ANK2: variants seen among roughly 807,000 people sequenced by gnomAD.
ANK2 encodes ankyrin-2.
In ANK2, 83 loss-of-function variants were observed where a neutral mutation model predicts 360.5. The ratio of observed to expected loss-of-function variants is 0.23; its 90% CI spans 0.19 to 0.28. The LOEUF (loss-of-function observed/expected upper bound fraction) is 0.28. Among genes scored for constraint, ANK2 ranks in the 10% least tolerant of loss-of-function variants. ANK2 has a pLI of 1.00. For synonymous variants in ANK2, 1,740 were observed against 1,759.5 expected (o/e 0.99, Z 0.28); for missense variants, 4,201 against 4,795.7 (o/e 0.88, Z 3.66).
intron 9 of ANK2, among the ~76,000 whole-genome samples, chr4:113,244,177 A>C (rs145832852): frequency 2.0e-5 from 3 of 152,338 alleles, no homozygotes; most frequent in African/African-American, 7.2e-5. Flanking sequence ...GGATTTAAAA[A>C]GAATAAAATA....
intron 1 of ANK2, among the ~76,000 whole-genome samples, chr4:113,166,110 G>T (rs2097747065): frequency 6.6e-6 from 1 of 152,046 alleles, no homozygotes; most frequent in Admixed American, 6.6e-5. Flanking sequence ...TATTGATTTT[G>T]TTCCTTACGA....
intron 1 of ANK2, among the ~76,000 whole-genome samples, chr4:113,148,260 C>T (rs776606617): frequency 1.3e-5 from 2 of 152,152 alleles, no homozygotes; most frequent in Non-Finnish European, 2.9e-5. Context: ...TAAGTATACT[C>T]TGTATTTTTC....
In ANK2 at chr4:113,358,156, G is replaced by C. The variant is rs1564054632; in HGVS notation, c.9538G>C (p.Asp3180His). 1.9e-6 allele frequency: 3 copies of C among 1,614,088 alleles called. No individual in the cohort carries two copies. Among genetic ancestry groups the C allele is most frequent in the Non-Finnish European group, 1.7e-6 (2 of 1,179,966 alleles). ...AAAAGAAACAGTGGATGATGAGGCA[G>C]ACTTACTTCCAGATGACGTGAGTGA... ...ESKETVDDEA[D>H]LLPDDVSEEV... Residue 3180 changes from aspartate (D) to histidine (H), a missense_variant, in exon 38 of 46, where the codon GAC (aspartate) becomes CAC (histidine). Around this residue, in one of 4 missense-constraint regions of ANK2, gnomAD observed 2,642 missense variants for 2,714.5 expected, o/e 0.97. Transcript: ENST00000357077.
chr4:112,999,676 C>CA (rs1182480583), intron 2 of ANK2, among the ~76,000 whole-genome samples: 3 of 150,482 alleles, frequency 2.0e-5, no homozygotes, highest in Non-Finnish European at 4.4e-5. Context: ...AAAAAAGCAA[C>CA]AAAAAAACCC....
chr4:112,994,650 T>A (rs1251906877), intron 2 of ANK2, among the ~76,000 whole-genome samples: 2 of 152,174 alleles, frequency 1.3e-5, no homozygotes, highest in Non-Finnish European at 1.5e-5. Context: ...TGTGCAATCT[T>A]GTTACATGGG....
At position 113,130,705 on chromosome 4, in the gene ANK2, A is replaced by G. The variant is rs540800450; in HGVS notation, c.85-43711A>G. Among the ~76,000 whole-genome samples the G allele has an allele frequency of 9.0e-4, 137 of 152,324 alleles. 1 individual carries two copies. The highest frequency in any genetic ancestry group is 3.2e-3 in the African/African-American group (134 of 41,572). On this transcript the variant is annotated intron_variant, in intron 1 of 45. Coordinates refer to ENST00000357077, the MANE Select transcript of ANK2 (RefSeq NM_001148.6). ...ATTTGACAAGCTTGCTCTGCACCTA[A>G]TAACCATAGGTTTCTATATCACATC...
chr4:112,885,587 G>A (rs2078085632), intron 1 of ANK2, among the ~76,000 whole-genome samples: 2 of 151,444 alleles, frequency 1.3e-5, no homozygotes, highest in Non-Finnish European at 2.9e-5. Flanking sequence ...ACGAGGTCAG[G>A]AGATTGACAC....
chr4:113,010,455 G>A (rs542001506), intron 2 of ANK2, among the ~76,000 whole-genome samples: 14 of 152,242 alleles, frequency 9.2e-5, no homozygotes, highest in African/African-American at 3.4e-4. Context: ...AATACATACT[G>A]AGCGTAGACT....
intron 1 of ANK2, among the ~76,000 whole-genome samples, chr4:113,142,402 G>A (rs190965724): frequency 6.6e-6 from 1 of 152,118 alleles, no homozygotes. Flanking sequence ...TCTGATCGTC[G>A]GCAAAGTTTG....
At chr4:113,079,561 T>C (rs966516673) in intron 1 of ANK2, among the ~76,000 whole-genome samples, 3 of 152,228 alleles carry the variant, frequency 2.0e-5, no homozygotes, top group African/African-American at 7.2e-5. Context: ...GTTTTCTTAC[T>C]GCTCGTCACA....
At chr4:112,778,402 C>T in the ANK2 span, among the ~76,000 whole-genome samples, 1 of 152,082 alleles carries the variant, frequency 6.6e-6, no homozygotes, top group Admixed American at 6.5e-5. Context: ...GAACCCCCAA[C>T]CTCAAGTAAT....
chr4:112,742,422 G>GTA, the ANK2 span, among the ~76,000 whole-genome samples: 1 of 142,212 alleles, frequency 7.0e-6, no homozygotes, highest in African/African-American at 2.7e-5. Context: ...GTGTGTGTGT[G>GTA]TATTAGGACG....
chr4:113,306,526 T>A (rs976454386), intron 23 of ANK2, among the ~76,000 whole-genome samples: 1 of 152,170 alleles, frequency 6.6e-6, no homozygotes, highest in African/African-American at 2.4e-5. Context: ...TTACAAAGAT[T>A]TAACCAGCAG....
intron 2 of ANK2, among the ~76,000 whole-genome samples, chr4:113,025,519 A>G (rs2059096394): frequency 6.6e-6 from 1 of 152,330 alleles, no homozygotes; most frequent in South Asian, 2.1e-4. Flanking sequence ...TTCCTGGCAC[A>G]TAATGTTCCT....
chr4:113,260,528 A>C (rs1313120798), intron 13 of ANK2, among the ~76,000 whole-genome samples: 8 of 152,216 alleles, frequency 5.3e-5, no homozygotes, highest in Non-Finnish European at 8.8e-5. Flanking sequence ...TTTGTAAGGT[A>C]GGTCCTTCAG....
intron 2 of ANK2, among the ~76,000 whole-genome samples, chr4:112,909,773 A>T (rs1255860027): frequency 6.6e-6 from 1 of 152,230 alleles, no homozygotes; most frequent in Non-Finnish European, 1.5e-5. Context: ...TGTATAGCAG[A>T]GACTGTGTCG....
rs182200595 is a variant in ANK2, at chr4:113,299,459, C to G, written c.2476-3308C>G. Among the ~76,000 whole-genome samples, 360 of 152,242 alleles carry G rather than the reference C, an allele frequency of 2.4e-3. 1 individual carries two copies. The highest frequency in any genetic ancestry group is 7.9e-3 in the African/African-American group (330 of 41,544). On this transcript the variant is annotated intron_variant, in intron 22 of 45. Transcript: ENST00000357077. Reference sequence around the variant, plus strand: ...GTAGCTCACATCTGTAATACCAGCACTTTGGGAGGCCGAGGTAGGTGGATC... The same window carrying G: ...GTAGCTCACATCTGTAATACCAGCAGTTTGGGAGGCCGAGGTAGGTGGATC...
At chr4:112,891,287 G>A (rs2079959047) in intron 1 of ANK2, among the ~76,000 whole-genome samples, 2 of 152,038 alleles carry the variant, frequency 1.3e-5, no homozygotes, top group Admixed American at 1.3e-4. Flanking sequence ...ATGCATGATA[G>A]AATTTGTTTA....
At chr4:112,929,401 A>G (rs1026907659) in intron 2 of ANK2, among the ~76,000 whole-genome samples, 7 of 152,238 alleles carry the variant, frequency 4.6e-5, no homozygotes, top group Admixed American at 4.6e-4. Flanking sequence ...TTACAATGAG[A>G]AAGGCAAATT....
Sources: gnomAD v4.1 joint callset for allele counts (sites outside exome capture counted in the v4.1 genomes callset) on GRCh38, gnomAD v4.1.1 for gene constraint, gnomAD v4.1.1 regional missense constraint, MANE v1.5 for transcripts, NCBI Gene and HGNC (gene_info 2026-07-23, HGNC 2026-07-21) for gene names.